The following ZRANB3 variants were observed in gnomAD, a reference collection of about 807,000 sequenced individuals.
ZRANB3 encodes the protein zinc finger RANBP2-type containing 3, also known as DNA annealing helicase and endonuclease ZRANB3.
ZRANB3 carries 125 observed loss-of-function variants against 133.8 expected under a neutral mutation model. The observed-to-expected ratio is 0.93, with a 90% CI of 0.81 to 1.08. ZRANB3 has a LOEUF of 1.08. ZRANB3 is among the 50% of genes least tolerant of loss of function. ZRANB3 has a pLI of 0.00. For synonymous variants in ZRANB3, 387 were observed against 432.7 expected (o/e 0.89, Z 1.31); for missense variants, 1,229 against 1,275.5 (o/e 0.96, Z 0.56).
chr2:135,469,567 G>A (rs563988288), intron 2 of ZRANB3, among the ~76,000 whole-genome samples: 1 of 152,076 alleles, frequency 6.6e-6, no homozygotes, highest in Non-Finnish European at 1.5e-5. Flanking sequence ...ATCCCATTTT[G>A]AGAACCGGGA....
chr2:135,518,100 C>A (rs114325403), intron 1 of ZRANB3, among the ~76,000 whole-genome samples: 201 of 152,244 alleles, frequency 1.3e-3, no homozygotes, highest in African/African-American at 4.6e-3. Context: ...ATGGCAAATG[C>A]CCCTCCCCCT....
intron 8 of ZRANB3, among the ~76,000 whole-genome samples, chr2:135,306,538 C>T (rs1682711798): frequency 2.0e-5 from 3 of 151,024 alleles, no homozygotes; most frequent in East Asian, 3.9e-4. Context: ...GTGATCCACC[C>T]GTCTCGGCCT....
intron 2 of ZRANB3, among the ~76,000 whole-genome samples, chr2:135,426,901 T>C (rs1196021036): frequency 1.1e-5 from 1 of 89,094 alleles, no homozygotes; most frequent in Non-Finnish European, 2.1e-5. Context: ...TATATATATA[T>C]ATATATATAT....
At chr2:135,229,542 T>G (rs976384237) in intron 13 of ZRANB3, among the ~76,000 whole-genome samples, 1 of 151,762 alleles carries the variant, frequency 6.6e-6, no homozygotes, top group African/African-American at 2.4e-5. Flanking sequence ...TAATTTTTTG[T>G]ATTTTTAGTA....
intron 2 of ZRANB3, 88 bp from the exon 3 acceptor site, chr2:135,390,908 T>A: frequency 7.5e-7 from 1 of 1,332,632 alleles, no homozygotes; most frequent in Middle Eastern, 2.9e-4. Flanking sequence ...GTCACCAGGC[T>A]GGAGTGCAGT....
intron 2 of ZRANB3, among the ~76,000 whole-genome samples, chr2:135,489,319 G>C (rs189517643): frequency 1.1e-5 from 1 of 94,276 alleles, no homozygotes; most frequent in Non-Finnish European, 2.0e-5. Flanking sequence ...GGGGTGGGGG[G>C]AGGGGGGAGG....
At chr2:135,234,710 C>T (rs28763711) in intron 12 of ZRANB3, among the ~76,000 whole-genome samples, 122 of 152,092 alleles carry the variant, frequency 8.0e-4, no homozygotes, top group African/African-American at 2.6e-3. Context: ...ATGAAATGAA[C>T]GCAGAAATAA....
At chr2:135,418,174 A>G (rs185318092) in intron 2 of ZRANB3, among the ~76,000 whole-genome samples, 47 of 152,318 alleles carry the variant, frequency 3.1e-4, no homozygotes, top group Non-Finnish European at 6.0e-4. Context: ...ACAGTATAAC[A>G]ATTATTTACA....
intron 2 of ZRANB3, among the ~76,000 whole-genome samples, chr2:135,439,217 T>C (rs895224584): frequency 6.6e-6 from 1 of 152,242 alleles, no homozygotes; most frequent in African/African-American, 2.4e-5. Flanking sequence ...GTATCTTTTA[T>C]AGAATACTTT....
chr2:135,357,321 A>T (rs1222582541), intron 3 of ZRANB3, among the ~76,000 whole-genome samples: 1 of 151,366 alleles, frequency 6.6e-6, no homozygotes, highest in African/African-American at 2.4e-5. Flanking sequence ...CTTGAAACGG[A>T]GTCTTGTTCT....
rs146601555 is a variant in ZRANB3 at position 135,290,068 on chromosome 2, C to T, written c.967-14313G>A. ...TAAATATCTGTTAAGTCCATTTGTTCTAGGGTACAACTGCAGAATGTTATG... is the reference window on the plus strand; with the variant it reads ...TAAATATCTGTTAAGTCCATTTGTTTTAGGGTACAACTGCAGAATGTTATG... On this transcript the variant is annotated intron_variant, in intron 8 of 20. Transcript: ENST00000264159. Among the ~76,000 whole-genome samples, 12 of 152,216 alleles carry T rather than the reference C, an allele frequency of 7.9e-5. No homozygotes were observed. In the East Asian group the frequency reaches 2.1e-3, roughly 27 times the overall value.
intron 8 of ZRANB3, among the ~76,000 whole-genome samples, chr2:135,313,012 T>A (rs538567006): frequency 6.8e-6 from 1 of 146,218 alleles, no homozygotes; most frequent in African/African-American, 2.5e-5. Flanking sequence ...AGAGTAAGAT[T>A]CCGTCTTTAA....
At chr2:135,269,883 T>TATTAA (rs1268214184) in intron 10 of ZRANB3, among the ~76,000 whole-genome samples, 1 of 152,198 alleles carries the variant, frequency 6.6e-6, no homozygotes, top group African/African-American at 2.4e-5. Flanking sequence ...TAAAATGACA[T>TATTAA]TAGGTGGTAA....
chr2:135,316,106 A>G (rs989459791), intron 6 of ZRANB3, among the ~76,000 whole-genome samples: 3 of 152,192 alleles, frequency 2.0e-5, no homozygotes, highest in African/African-American at 7.2e-5. Context: ...ACACAAAATT[A>G]CTATGAAAGA....
chr2:135,303,266 T>C (rs1682526669), intron 8 of ZRANB3, among the ~76,000 whole-genome samples: 1 of 152,168 alleles, frequency 6.6e-6, no homozygotes, highest in Admixed American at 6.5e-5. Context: ...TTTGTGCTTT[T>C]TGTATCCTGT....
chr2:135,219,902 C>G (rs1199360368), intron 15 of ZRANB3, among the ~76,000 whole-genome samples: 1 of 151,802 alleles, frequency 6.6e-6, no homozygotes, highest in East Asian at 1.9e-4. Flanking sequence ...GACAAGGTAT[C>G]ACTCTGTCAC....
chr2:135,276,689 A>G (rs559728764), intron 8 of ZRANB3, among the ~76,000 whole-genome samples: 11 of 152,350 alleles, frequency 7.2e-5, no homozygotes, highest in African/African-American at 2.4e-4. Flanking sequence ...TAGCAAGTGT[A>G]AAGGGACAAA....
rs539377429 is a variant in ZRANB3, at chr2:135,289,594, G to C, written c.967-13839C>G. Reference sequence around the variant, plus strand: ...AATTTCATTCCACTGTGGTCTGAGAGAGTACTTGATACAATGTGATTTTTT... The same window carrying C: ...AATTTCATTCCACTGTGGTCTGAGACAGTACTTGATACAATGTGATTTTTT... On this transcript the variant is annotated intron_variant, in intron 8 of 20. Transcript: ENST00000264159. Among the ~76,000 whole-genome samples the C allele has an allele frequency of 3.9e-5, 6 of 152,302 alleles. No homozygotes were observed. The South Asian group carries it at 1.2e-3, about 32-fold the overall frequency.
intron 2 of ZRANB3, among the ~76,000 whole-genome samples, chr2:135,412,484 A>G (rs1418061625): frequency 6.6e-6 from 1 of 152,110 alleles, no homozygotes; most frequent in East Asian, 1.9e-4. Context: ...TTGCTTTTTT[A>G]TATAAAATAT....
Sources: gnomAD v4.1 joint callset for allele counts (sites outside exome capture counted in the v4.1 genomes callset) on GRCh38, gnomAD v4.1.1 for gene constraint, MANE v1.5 for transcripts, NCBI Gene and HGNC (gene_info 2026-07-23, HGNC 2026-07-21) for gene names.